RUNX3: variants seen among roughly 807,000 people sequenced by gnomAD.
RUNX3 encodes RUNX family transcription factor 3.
A neutral mutation model predicts 27.7 loss-of-function variants in RUNX3; 10 were observed. The observed-to-expected ratio is 0.36, with a 90% CI of 0.22 to 0.61. The LOEUF (loss-of-function observed/expected upper bound fraction) is 0.61. Ranked by LOEUF, RUNX3 falls within the 20% of genes least tolerant of loss-of-function variation. The pLI is 0.72. For synonymous variants in RUNX3, 270 were observed against 269.2 expected (o/e 1.00, Z -0.03); for missense variants, 469 against 629.5 (o/e 0.75, Z 2.73).
chr1:24,952,359 G>A (rs1381438592), intron 2 of RUNX3, among the ~76,000 whole-genome samples: 1 of 152,176 alleles, frequency 6.6e-6, no homozygotes, highest in Non-Finnish European at 1.5e-5. Context: ...ATAAACAGTT[G>A]AGCATACACT....
intron 3 of RUNX3, among the ~76,000 whole-genome samples, chr1:24,911,632 G>A (rs568190787): frequency 2.0e-5 from 3 of 152,346 alleles, no homozygotes; most frequent in South Asian, 2.1e-4. Flanking sequence ...GCTGGAGACC[G>A]GGGTGTGGAG....
At position 24,927,707 on chromosome 1, in the gene RUNX3, C is replaced by T. The variant is rs775315425; in HGVS notation, c.306G>A (p.Pro102=). Reference sequence around the variant, plus strand: ...CCATCACAGTCACCACCGTACCATCCGGCACGTCCCCCAATGCCACCACCT... The same window carrying T: ...CCATCACAGTCACCACCGTACCATCTGGCACGTCCCCCAATGCCACCACCT... ...AFKVVALGDV[P]DGTVVTVMAG... Residue 102 remains proline, a synonymous_variant, in exon 2 of 5, where the codon CCG becomes CCA. Coordinates refer to ENST00000308873, the MANE Select transcript of RUNX3 (RefSeq NM_004350.3). This position sits in a 1 kb window ranked among gnomAD's most constrained non-coding sequence, Gnocchi z 5.0. 24 of 1,613,902 alleles carry T rather than the reference C, an allele frequency of 1.5e-5. No homozygotes were observed. In the East Asian group the frequency reaches 1.6e-4, roughly 10 times the overall value.
In RUNX3 at chr1:24,916,247, T is replaced by C. The variant is rs1640886957; in HGVS notation, c.544+2993A>G. On this transcript the variant is annotated intron_variant, in intron 3 of 4. Coordinates refer to ENST00000308873, the MANE Select transcript of RUNX3 (RefSeq NM_004350.3). The surrounding 1 kb of genome is among the most constrained non-coding windows in gnomAD (Gnocchi z 4.8). Reference sequence around the variant, plus strand: ...AAAGGCCTGTAACAACCTGTGAAGGTTGTGGGGGCACTTCCTGGGGCCAGG... The same window carrying C: ...AAAGGCCTGTAACAACCTGTGAAGGCTGTGGGGGCACTTCCTGGGGCCAGG... Among the ~76,000 whole-genome samples, 2 of 152,240 alleles carry C rather than the reference T, an allele frequency of 1.3e-5. No individual in the cohort carries two copies. The highest frequency in any genetic ancestry group is 3.9e-4 in the East Asian group (2 of 5,182).
At position 24,904,980 on chromosome 1, in the gene RUNX3, A is replaced by G. The variant is rs1484623333; in HGVS notation, c.703+2279T>C. 6.6e-6 allele frequency among the ~76,000 whole-genome samples: 1 copy of G among 152,208 alleles called. No individual in the cohort carries two copies. Among genetic ancestry groups the G allele is most frequent in the Non-Finnish European group, 1.5e-5 (1 of 68,026 alleles). ...TTCTCCAGATTGTCCGGGCTGCTGCATGGTGGCTGAATGAGCCCTTTCAGC... is the reference window on the plus strand; with the variant it reads ...TTCTCCAGATTGTCCGGGCTGCTGCGTGGTGGCTGAATGAGCCCTTTCAGC... On this transcript the variant is annotated intron_variant, in intron 4 of 4. Coordinates refer to ENST00000308873, the MANE Select transcript of RUNX3 (RefSeq NM_004350.3). This position sits in a 1 kb window ranked among gnomAD's most constrained non-coding sequence, Gnocchi z 5.7.
At chr1:24,937,639 T>C (rs1228279355) in intron 2 of RUNX3, among the ~76,000 whole-genome samples, 1 of 152,252 alleles carries the variant, frequency 6.6e-6, no homozygotes, top group African/African-American at 2.4e-5. Context: ...ACATTCTGCA[T>C]TATTTCATCT....
intron 2 of RUNX3, among the ~76,000 whole-genome samples, chr1:24,947,596 G>C (rs1641643415): frequency 6.6e-6 from 1 of 152,208 alleles, no homozygotes; most frequent in African/African-American, 2.4e-5. Context: ...CCAGATGGAG[G>C]CTGGCCCACC....
chr1:24,959,714 G>A (rs1413163111), intron 2 of RUNX3, among the ~76,000 whole-genome samples: 2 of 152,180 alleles, frequency 1.3e-5, no homozygotes, highest in South Asian at 2.1e-4. Context: ...TGACCTCTGA[G>A]TCAGACCATC....
At chr1:24,964,798 G>T in intron 1 of RUNX3, 1 of 1,158,564 alleles carries the variant, frequency 8.6e-7, no homozygotes, top group Non-Finnish European at 1.2e-6. Flanking sequence ...GTGAGAGAGA[G>T]AAAAAAATCC....
Position 24,962,731 on chromosome 1 carries a change from C to T in RUNX3, c.58+1783G>A, listed in dbSNP as rs899359691. Among the ~76,000 whole-genome samples the T allele has an allele frequency of 4.6e-5, 7 of 152,204 alleles. No homozygotes were observed. The highest frequency in any genetic ancestry group is 8.8e-5 in the Non-Finnish European group (6 of 68,018). On this transcript the variant is annotated intron_variant, in intron 2 of 6. Transcript: ENST00000338888. This position sits in a 1 kb window ranked among gnomAD's most constrained non-coding sequence, Gnocchi z 4.5. ...CGCTCTGCCCAGCGGCCTCCTGTCTCTGGGCGCATACATGACATGTTGGGC... is the reference window on the plus strand; with the variant it reads ...CGCTCTGCCCAGCGGCCTCCTGTCTTTGGGCGCATACATGACATGTTGGGC...
At chr1:24,951,491 C>T (rs11249206) in intron 2 of RUNX3, among the ~76,000 whole-genome samples, 73,557 of 152,024 alleles carry the variant, frequency 0.48, 18,505 homozygotes, top group East Asian at 0.65. Flanking sequence ...ATTTCTCAGA[C>T]GAGGAAACTG....
At chr1:24,957,336 T>TCATCCATCCATCCATC (rs72443915) in intron 2 of RUNX3, among the ~76,000 whole-genome samples, 17 of 149,912 alleles carry the variant, frequency 1.1e-4, no homozygotes, top group African/African-American at 3.2e-4. Context: ...ATTCATTCGT[T>TCATCCATCCATCCATC]CATCCATCCA....
chr1:24,952,593 C>G (rs1641793818), intron 2 of RUNX3, among the ~76,000 whole-genome samples: 1 of 152,230 alleles, frequency 6.6e-6, no homozygotes, highest in African/African-American at 2.4e-5. Flanking sequence ...GGAGTCAGAG[C>G]TGTGAGGAAC....
intron 2 of RUNX3, among the ~76,000 whole-genome samples, chr1:24,953,381 AAAAGAAAAGAAAAGAAAAAT>A (rs1641823149): frequency 8.9e-6 from 1 of 112,044 alleles, no homozygotes; most frequent in African/African-American, 3.8e-5. Flanking sequence ...AAAAAAAAAG[AAAAGAAAAGAAAAGAAAAAT>A]GAAAAAAAAA....
chr1:24,933,392 C>T (rs1292806254), upstream of RUNX3, among the ~76,000 whole-genome samples: 2 of 152,210 alleles, frequency 1.3e-5, no homozygotes, highest in Admixed American at 6.5e-5. Context: ...GCTCCAGCCT[C>T]CGGGAGCCAT....
intron 2 of RUNX3, among the ~76,000 whole-genome samples, chr1:24,953,928 T>C (rs1446492574): frequency 1.3e-5 from 2 of 152,200 alleles, no homozygotes; most frequent in South Asian, 2.1e-4. Context: ...GTTTTTTTTT[T>C]TGGAGACCAG....
At chr1:24,953,363 GA>G (rs71577738) in intron 2 of RUNX3, among the ~76,000 whole-genome samples, 29 of 60,716 alleles carry the variant, frequency 4.8e-4, no homozygotes, top group Admixed American at 7.0e-4. Context: ...GACTCCGTCT[GA>G]AAAAAAAAAA....
Position 24,927,781 on chromosome 1 carries a change from G to T in RUNX3, c.283-51C>A. The stretch of plus-strand genomic sequence containing the variant: ...AGGGGGACAGCTTAGAAAGGAAGAG[G>T]GTGACCAGGGAAAGGAGGGGAGGGG... On this transcript the variant is annotated intron_variant, in intron 1 of 4. Transcript: ENST00000308873. This position sits in a 1 kb window ranked among gnomAD's most constrained non-coding sequence, Gnocchi z 5.0. 1 of 1,582,080 alleles carries T rather than the reference G, an allele frequency of 6.3e-7. No homozygotes were observed. The highest frequency in any genetic ancestry group is 1.7e-5 in the Admixed American group (1 of 59,862).
At chr1:24,909,535 A>G (rs1213677791) in intron 3 of RUNX3, among the ~76,000 whole-genome samples, 1 of 152,192 alleles carries the variant, frequency 6.6e-6, no homozygotes, top group Non-Finnish European at 1.5e-5. Context: ...GTTCCCATAA[A>G]ACCCTGGGGA....
In RUNX3 at chr1:24,902,189, T is replaced by G; in HGVS notation, c.1181A>C (p.His394Pro). 2 of 1,569,950 alleles carry G rather than the reference T, an allele frequency of 1.3e-6. No homozygotes were observed. The highest frequency in any genetic ancestry group is 3.7e-5 in the Admixed American group (2 of 53,446). The change falls in exon 5 of 5, where the codon CAC (histidine) becomes CCC (proline). Residue 394 changes from histidine to proline, a missense_variant. Physicochemically the swap from His to Pro is moderately conservative, Grantham distance 77 (BLOSUM62 -2). Transcript: ENST00000308873. This position sits in a 1 kb window ranked among gnomAD's most constrained non-coding sequence, Gnocchi z 9.2. ...GCTCAGGGCCGTGGGTGAGTTGCTG[T>G]GGCTGCCGTCGGCCTCCACGCCATC... Reference protein sequence around the residue: ...QSDGVEADGSHSNSPTALSTP... With the variant: ...QSDGVEADGSPSNSPTALSTP...
Sources: gnomAD v4.1 joint callset for allele counts (sites outside exome capture counted in the v4.1 genomes callset) on GRCh38, gnomAD v4.1.1 for gene constraint, Gnocchi (gnomAD v3.1) non-coding constraint, MANE v1.5 for transcripts, NCBI Gene and HGNC (gene_info 2026-07-23, HGNC 2026-07-21) for gene names.